SPATA6: variants seen among roughly 807,000 people sequenced by gnomAD.
SPATA6 encodes the protein spermatogenesis-associated protein 6.
SPATA6 carries 56 observed loss-of-function variants against 65.3 expected under a neutral mutation model. That is an observed-to-expected ratio of 0.86 (90% confidence interval 0.69 to 1.07). The LOEUF (loss-of-function observed/expected upper bound fraction) is 1.07. Among genes scored for constraint, SPATA6 ranks in the 50% least tolerant of loss-of-function variants. The pLI is 0.00. For synonymous variants in SPATA6, 199 were observed against 213.2 expected (o/e 0.93, Z 0.58); for missense variants, 590 against 594.8 (o/e 0.99, Z 0.08).
chr1:48,421,685 A>G (rs952372160), intron 3 of SPATA6, among the ~76,000 whole-genome samples: 4 of 152,166 alleles, frequency 2.6e-5, no homozygotes, highest in African/African-American at 9.7e-5. Context: ...GAAAAGAGAA[A>G]AAAAGAAAAC....
chr1:48,350,931 T>C (rs1406554636), intron 11 of SPATA6, among the ~76,000 whole-genome samples: 2 of 151,970 alleles, frequency 1.3e-5, no homozygotes, highest in African/African-American at 2.4e-5. Context: ...TTGATTAAGA[T>C]TGCATAAAAT....
intron 9 of SPATA6, among the ~76,000 whole-genome samples, chr1:48,362,611 G>T (rs1374562748): frequency 1.3e-5 from 2 of 152,108 alleles, no homozygotes; most frequent in Admixed American, 1.3e-4. Context: ...AAGGATAAAT[G>T]ACAATAAGAT....
intron 9 of SPATA6, among the ~76,000 whole-genome samples, chr1:48,379,344 G>A (rs769309798): frequency 1.1e-4 from 16 of 152,146 alleles, no homozygotes; most frequent in Non-Finnish European, 1.9e-4. Context: ...CTCTTGACAC[G>A]TGGGGATTAC....
chr1:48,312,396 C>T (rs766538137), intron 11 of SPATA6, among the ~76,000 whole-genome samples: 5 of 152,268 alleles, frequency 3.3e-5, no homozygotes, highest in South Asian at 2.1e-4. Context: ...CACCAAGATC[C>T]GCTGTTCTGC....
intron 3 of SPATA6, among the ~76,000 whole-genome samples, chr1:48,450,195 T>C (rs1656435684): frequency 6.6e-6 from 1 of 151,900 alleles, no homozygotes; most frequent in African/African-American, 2.4e-5. Context: ...GAGAGTATTA[T>C]ATAAGGAGAG....
chr1:48,375,798 T>C (rs1647824426), intron 9 of SPATA6, among the ~76,000 whole-genome samples: 1 of 152,140 alleles, frequency 6.6e-6, no homozygotes, highest in Non-Finnish European at 1.5e-5. Flanking sequence ...TATACACTTA[T>C]TTTTCTAAAC....
chr1:48,443,110 A>G (rs1655677636), intron 3 of SPATA6, among the ~76,000 whole-genome samples: 1 of 152,250 alleles, frequency 6.6e-6, no homozygotes, highest in Non-Finnish European at 1.5e-5. Context: ...GTCTGCTCCA[A>G]CGTGCCACTT....
chr1:48,410,859 T>C (rs1412129946), intron 5 of SPATA6, among the ~76,000 whole-genome samples: 1 of 152,184 alleles, frequency 6.6e-6, no homozygotes, highest in Admixed American at 6.5e-5. Flanking sequence ...ATTACAGGGA[T>C]TACAATTCAA....
intron 1 of SPATA6, among the ~76,000 whole-genome samples, chr1:48,453,439 T>G (rs1175999581): frequency 6.6e-6 from 1 of 152,226 alleles, no homozygotes; most frequent in Non-Finnish European, 1.5e-5. Context: ...TCCCACTTTA[T>G]GCTGAATGCT....
At chr1:48,355,583 T>C in intron 11 of SPATA6, 87 bp downstream of exon 11, 1 of 906,540 alleles carries the variant, frequency 1.1e-6, no homozygotes, top group Non-Finnish European at 1.6e-6. Flanking sequence ...TTCTTCCCGG[T>C]GACTAAATTT....
intron 3 of SPATA6, among the ~76,000 whole-genome samples, chr1:48,427,359 C>A (rs1653932783): frequency 1.4e-5 from 2 of 145,056 alleles, no homozygotes; most frequent in Admixed American, 1.4e-4. Context: ...TTTTAAATAG[C>A]ACAGAAAGTA....
At chr1:48,382,438 T>C (rs1191198900) in intron 9 of SPATA6, among the ~76,000 whole-genome samples, 1 of 133,686 alleles carries the variant, frequency 7.5e-6, no homozygotes, top group Admixed American at 7.1e-5. Flanking sequence ...ACCTCCTGGA[T>C]AGGGCGGCTG....
intron 11 of SPATA6, among the ~76,000 whole-genome samples, chr1:48,314,542 C>G (rs1055022225): frequency 4.6e-5 from 7 of 152,076 alleles, no homozygotes; most frequent in East Asian, 3.9e-4. Context: ...ATTTAAAGCA[C>G]TGTGTAGCGG....
the SPATA6 span, among the ~76,000 whole-genome samples, chr1:48,278,976 G>T: frequency 1.3e-5 from 2 of 152,148 alleles, no homozygotes; most frequent in African/African-American, 4.8e-5. Flanking sequence ...AACTAACAGC[G>T]GATCTCTCGG....
intron 11 of SPATA6, among the ~76,000 whole-genome samples, chr1:48,329,043 G>C (rs1201154486): frequency 6.6e-6 from 1 of 152,008 alleles, no homozygotes; most frequent in African/African-American, 2.4e-5. Context: ...CTGACTATAT[G>C]CCAGGTCTTG....
At chr1:48,363,818 T>C (rs1393946382) in intron 9 of SPATA6, among the ~76,000 whole-genome samples, 1 of 151,880 alleles carries the variant, frequency 6.6e-6, no homozygotes, top group Non-Finnish European at 1.5e-5. Context: ...ATTATTATTA[T>C]ACTTTAAGTT....
chr1:48,393,017 T>C (rs968453654), intron 8 of SPATA6, among the ~76,000 whole-genome samples: 5 of 152,030 alleles, frequency 3.3e-5, no homozygotes, highest in African/African-American at 1.2e-4. Flanking sequence ...AAGAATAGAA[T>C]TTTTAAAAAT....
intron 8 of SPATA6, among the ~76,000 whole-genome samples, chr1:48,395,060 G>A (rs1650451278): frequency 6.6e-6 from 1 of 151,870 alleles, no homozygotes; most frequent in African/African-American, 2.4e-5. Context: ...GGTGGGAAAT[G>A]ATTTATAGTA....
the SPATA6 span, among the ~76,000 whole-genome samples, chr1:48,271,264 T>G: frequency 6.6e-6 from 1 of 152,148 alleles, no homozygotes; most frequent in Admixed American, 6.6e-5. Flanking sequence ...TGTATATTAG[T>G]TAATTAACCA....
Sources: allele counts gnomAD v4.1 joint callset (sites outside exome capture counted in the v4.1 genomes callset), GRCh38; gene constraint gnomAD v4.1.1; transcripts MANE v1.5; gene names NCBI Gene and HGNC (gene_info 2026-07-23, HGNC 2026-07-21).